ITGA8: variants seen among roughly 807,000 people sequenced by gnomAD.
The protein encoded by ITGA8 is integrin alpha-8.
In ITGA8, 91 loss-of-function variants were observed where a neutral mutation model predicts 142.3. That is an observed-to-expected ratio of 0.64 (90% CI 0.54 to 0.76). The LOEUF (loss-of-function observed/expected upper bound fraction) is 0.76. Among genes scored for constraint, ITGA8 ranks in the 30% least tolerant of loss-of-function variants. The probability of loss-of-function intolerance (pLI) is 0.00; values close to 1 mark genes in which losing one functional copy is unlikely to be tolerated. For synonymous variants in ITGA8, 505 were observed against 485.2 expected (o/e 1.04, Z -0.54); for missense variants, 1,406 against 1,327.7 (o/e 1.06, Z -0.92).
intron 13 of ITGA8, among the ~76,000 whole-genome samples, chr10:15,622,915 T>C (rs1346940835): frequency 6.6e-6 from 1 of 152,214 alleles, no homozygotes; most frequent in African/African-American, 2.4e-5. Flanking sequence ...CATAGATATA[T>C]CATTTTTTAA....
intron 13 of ITGA8, 104 bp downstream of exon 13, chr10:15,643,926 G>T: frequency 1.0e-6 from 1 of 968,386 alleles, no homozygotes; most frequent in Non-Finnish European, 1.5e-6. Flanking sequence ...TTAAGCTTCA[G>T]CCTCATCTGT....
intron 27 of ITGA8, among the ~76,000 whole-genome samples, chr10:15,532,431 A>AAAAAAAAG (rs1564339129): frequency 7.2e-6 from 1 of 139,064 alleles, no homozygotes; most frequent in Admixed American, 7.3e-5. Context: ...AAAAAAAAAA[A>AAAAAAAAG]AAAAAAAAAA....
At chr10:15,612,335 T>C (rs983667769) in intron 15 of ITGA8, among the ~76,000 whole-genome samples, 7 of 152,152 alleles carry the variant, frequency 4.6e-5, no homozygotes, top group African/African-American at 1.7e-4. Context: ...CATGTTAAAA[T>C]TGGCTGGAAA....
chr10:15,657,593 T>C (rs1834210660), intron 10 of ITGA8, among the ~76,000 whole-genome samples: 1 of 142,502 alleles, frequency 7.0e-6, no homozygotes, highest in African/African-American at 2.5e-5. Flanking sequence ...CCTCAAGTGA[T>C]CCTCCTGCCT....
intron 7 of ITGA8, among the ~76,000 whole-genome samples, chr10:15,672,347 C>A (rs927331169): frequency 6.6e-6 from 1 of 152,220 alleles, no homozygotes; most frequent in South Asian, 2.1e-4. Context: ...ACACTGGTAG[C>A]AGCCCTGCTA....
chr10:15,539,339 C>T (rs1833521444), intron 27 of ITGA8, among the ~76,000 whole-genome samples: 1 of 152,146 alleles, frequency 6.6e-6, no homozygotes, highest in Non-Finnish European at 1.5e-5. Flanking sequence ...GTCCAAGGAG[C>T]ATGGTGAGTT....
chr10:15,714,807 C>T (rs1013093956), intron 2 of ITGA8, among the ~76,000 whole-genome samples: 3 of 152,118 alleles, frequency 2.0e-5, no homozygotes, highest in African/African-American at 7.2e-5. Context: ...AGGGCTGTCT[C>T]CTTCAAAGTC....
At chr10:15,545,671 G>A (rs1427682909) in intron 27 of ITGA8, among the ~76,000 whole-genome samples, 2 of 109,198 alleles carry the variant, frequency 1.8e-5, no homozygotes, top group Non-Finnish European at 3.8e-5. Flanking sequence ...CCAACCTACT[G>A]CTTAGTTTGC....
At chr10:15,701,118 T>C (rs1040347689) in intron 2 of ITGA8, among the ~76,000 whole-genome samples, 1 of 152,204 alleles carries the variant, frequency 6.6e-6, no homozygotes, top group Admixed American at 6.5e-5. Flanking sequence ...AAGGGTACAT[T>C]GTTCAGTATG....
chr10:15,546,148 T>G (rs1833663642), intron 27 of ITGA8, among the ~76,000 whole-genome samples: 1 of 152,158 alleles, frequency 6.6e-6, no homozygotes, highest in Non-Finnish European at 1.5e-5. Flanking sequence ...CCATCCTACC[T>G]GCAGAAGCAG....
chr10:15,543,486 A>G (rs932297877), intron 27 of ITGA8, among the ~76,000 whole-genome samples: 3 of 152,194 alleles, frequency 2.0e-5, no homozygotes, highest in African/African-American at 7.2e-5. Flanking sequence ...TTCAGCCCCA[A>G]CTGTTCTGGT....
At chr10:15,654,607 G>C (rs1834149774) in intron 11 of ITGA8, among the ~76,000 whole-genome samples, 1 of 152,170 alleles carries the variant, frequency 6.6e-6, no homozygotes, top group Non-Finnish European at 1.5e-5. Flanking sequence ...AACAAAGTAA[G>C]TATTCTTCAG....
chr10:15,593,906 A>G lies in ITGA8; in HGVS notation c.2212-1602T>C, dbSNP rs144032814. On this transcript the variant is annotated intron_variant, in intron 21 of 29. Coordinates refer to ENST00000378076, the MANE Select transcript of ITGA8 (RefSeq NM_003638.3). The stretch of plus-strand genomic sequence containing the variant: ...GCCCAGGTTGAAGTACAGTGGCACA[A>G]TCTCAGCTCACTGCAACCTCCACCT... Among the ~76,000 whole-genome samples, 974 of 150,734 alleles carry G rather than the reference A, an allele frequency of 6.5e-3. 4 individuals carry two copies. The highest frequency in any genetic ancestry group is 0.011 in the Non-Finnish European group (740 of 67,876).
intron 1 of ITGA8, 48 bp downstream of exon 1, chr10:15,719,515 G>A (rs1273203051): frequency 6.8e-7 from 1 of 1,475,734 alleles, no homozygotes; most frequent in South Asian, 1.3e-5. Context: ...GACCTGACCC[G>A]GGAGCGCCTT....
intron 13 of ITGA8, among the ~76,000 whole-genome samples, chr10:15,639,369 CA>C (rs1833829075): frequency 1.3e-5 from 2 of 152,134 alleles, no homozygotes; most frequent in African/African-American, 4.8e-5. Flanking sequence ...TGGTTTTGCT[CA>C]AAGTGGGGTG....
At chr10:15,578,373 T>C (rs968072743) in intron 23 of ITGA8, among the ~76,000 whole-genome samples, 6 of 152,118 alleles carry the variant, frequency 3.9e-5, no homozygotes, top group Non-Finnish European at 1.5e-5. Flanking sequence ...TGATATTCTA[T>C]GGGATGGATG....
At chr10:15,576,882 A>G (rs1451609694) in intron 23 of ITGA8, among the ~76,000 whole-genome samples, 1 of 152,196 alleles carries the variant, frequency 6.6e-6, no homozygotes, top group African/African-American at 2.4e-5. Context: ...CAATGTTAAG[A>G]AGAACAGGGC....
intron 11 of ITGA8, among the ~76,000 whole-genome samples, chr10:15,649,945 G>A (rs1834056036): frequency 6.6e-6 from 1 of 152,164 alleles, no homozygotes; most frequent in African/African-American, 2.4e-5. Context: ...CTCCTTGGCA[G>A]TTACTCAAAT....
intron 8 of ITGA8, among the ~76,000 whole-genome samples, chr10:15,665,025 A>G (rs1255459776): frequency 6.6e-6 from 1 of 152,178 alleles, no homozygotes; most frequent in Non-Finnish European, 1.5e-5. Context: ...CTTTGGGTAT[A>G]TACCCAGTAA....
Sources: gnomAD v4.1 joint callset for allele counts (sites outside exome capture counted in the v4.1 genomes callset) on GRCh38, gnomAD v4.1.1 for gene constraint, MANE v1.5 for transcripts, NCBI Gene and HGNC (gene_info 2026-07-23, HGNC 2026-07-21) for gene names.